Variants in SLC8A3 observed in about 807,000 individuals in gnomAD.
The protein encoded by SLC8A3 is sodium/calcium exchanger 3.
SLC8A3 carries 37 observed loss-of-function variants against 65.4 expected under a neutral mutation model. That is an observed-to-expected ratio of 0.57 (90% CI 0.44 to 0.74). The LOEUF is 0.74. SLC8A3 is among the 30% of genes least tolerant of loss of function. The pLI, the probability that SLC8A3 is intolerant of heterozygous loss-of-function variation, is 0.00. For synonymous variants in SLC8A3, 461 were observed against 444.5 expected, an observed-to-expected ratio of 1.04 and a Z score of -0.47; for missense variants, 1,112 against 1,172.1, an observed-to-expected ratio of 0.95 and a Z score of 0.75.
chr14:70,072,857 C>T (rs1450838713), intron 2 of SLC8A3, among the ~76,000 whole-genome samples: 1 of 152,040 alleles, frequency 6.6e-6, no homozygotes, highest in African/African-American at 2.4e-5. Context: ...CATGTTGGCC[C>T]GGCTAGTCTC....
At chr14:70,051,947 T>G in intron 4 of SLC8A3, 43 bp downstream of exon 4, 1 of 1,570,812 alleles carries the variant, frequency 6.4e-7, no homozygotes. Flanking sequence ...GCCTCCCACT[T>G]TAATTTATTT....
Position 70,046,558 on chromosome 14 carries a change from C to G in SLC8A3, c.2390-235G>C. On this transcript the variant is annotated intron_variant, in intron 6 of 6. Coordinates refer to ENST00000356921, the MANE Select transcript of SLC8A3 (RefSeq NM_182932.3). The surrounding 1 kb of genome is among the most constrained non-coding windows in gnomAD (Gnocchi z 4.2). ...CTCATCTGCAGTGATCTGAAAGATTCTGAAGGGCTTTCCAGTTCTGATATT... is the reference window on the plus strand; with the variant it reads ...CTCATCTGCAGTGATCTGAAAGATTGTGAAGGGCTTTCCAGTTCTGATATT... The G allele has an allele frequency of 2.1e-6, 1 of 476,098 alleles. No homozygotes were observed. 29.5% of individuals were successfully genotyped at this position (476,098 alleles called of 1,614,324 possible).
intron 2 of SLC8A3, among the ~76,000 whole-genome samples, chr14:70,099,829 T>C (rs1892446598): frequency 1.3e-5 from 2 of 152,168 alleles, no homozygotes; most frequent in South Asian, 4.1e-4. Context: ...CCACAAGTCG[T>C]TTAAAAAGCA....
At chr14:70,060,069 A>G (rs2139816275) in intron 3 of SLC8A3, 1 of 152,398 alleles carries the variant, frequency 6.6e-6, no homozygotes, top group East Asian at 1.9e-4. Flanking sequence ...AGATTGCATG[A>G]TTACCCCAGA....
intron 2 of SLC8A3, among the ~76,000 whole-genome samples, chr14:70,122,533 C>T (rs1193400415): frequency 6.6e-6 from 1 of 152,142 alleles, no homozygotes; most frequent in Non-Finnish European, 1.5e-5. Context: ...TCAGTTTCCT[C>T]CTCTGTACGA....
intron 2 of SLC8A3, among the ~76,000 whole-genome samples, chr14:70,066,839 A>T (rs1033899068): frequency 2.0e-5 from 3 of 152,080 alleles, no homozygotes; most frequent in Non-Finnish European, 4.4e-5. Flanking sequence ...CAACAACAAC[A>T]ACAAAACACC....
At chr14:70,078,314 C>A (rs1890724277) in intron 2 of SLC8A3, among the ~76,000 whole-genome samples, 1 of 152,220 alleles carries the variant, frequency 6.6e-6, no homozygotes, top group Non-Finnish European at 1.5e-5. Context: ...TTTACCACAT[C>A]CCTGGGAAAC....
Position 70,111,053 on chromosome 14 carries a change from G to A in SLC8A3, c.1785-50114C>T, listed in dbSNP as rs561482233. Among the ~76,000 whole-genome samples the A allele has an allele frequency of 2.7e-4, 41 of 152,212 alleles. 1 individual carries two copies. The South Asian group carries it at 7.3e-3, about 27-fold the overall frequency. On this transcript the variant is annotated intron_variant, in intron 2 of 6. Transcript: ENST00000356921. ...CAGCAGTGGGATTGGTGGATCACAC[G>A]GTAGCTCAATTTTTAGTTTTTTGAG...
chr14:70,109,592 C>T (rs1566785659), intron 2 of SLC8A3, among the ~76,000 whole-genome samples: 2 of 151,570 alleles, frequency 1.3e-5, no homozygotes, highest in Non-Finnish European at 2.9e-5. Flanking sequence ...GGAGCTGAGA[C>T]TACAGTGCAT....
intron 2 of SLC8A3, among the ~76,000 whole-genome samples, chr14:70,074,932 A>G (rs1890344549): frequency 6.6e-6 from 1 of 152,070 alleles, no homozygotes; most frequent in African/African-American, 2.4e-5. Context: ...TTGTGGTGTA[A>G]TAGAGAGAAT....
At chr14:70,102,053 G>T (rs141991536) in intron 2 of SLC8A3, among the ~76,000 whole-genome samples, 2 of 152,290 alleles carry the variant, frequency 1.3e-5, no homozygotes, top group East Asian at 3.9e-4. Context: ...TTGGCTGAAG[G>T]CTGAGCTGTC....
intron 1 of SLC8A3, among the ~76,000 whole-genome samples, chr14:70,172,663 C>T (rs191223536): frequency 9.4e-5 from 14 of 148,828 alleles, no homozygotes; most frequent in East Asian, 2.0e-4. Flanking sequence ...TGGTATTAGA[C>T]GCTGGTGGAT....
At chr14:70,062,418 T>C (rs1888911880) in intron 2 of SLC8A3, among the ~76,000 whole-genome samples, 2 of 152,234 alleles carry the variant, frequency 1.3e-5, no homozygotes, top group Admixed American at 6.5e-5. Flanking sequence ...ATATTTTTAC[T>C]GTGCCTTTTC....
intron 2 of SLC8A3, among the ~76,000 whole-genome samples, chr14:70,102,269 A>C (rs1325245028): frequency 6.6e-6 from 1 of 152,224 alleles, no homozygotes; most frequent in African/African-American, 2.4e-5. Flanking sequence ...CCTAGGACTA[A>C]CTTTAAAACT....
chr14:70,134,044 T>C (rs1004473236), intron 2 of SLC8A3, among the ~76,000 whole-genome samples: 1 of 152,204 alleles, frequency 6.6e-6, no homozygotes, highest in African/African-American at 2.4e-5. Flanking sequence ...GTCAATTTGC[T>C]TTTGGGCACT....
chr14:70,074,866 T>A (rs1199237704), intron 2 of SLC8A3, among the ~76,000 whole-genome samples: 1 of 152,214 alleles, frequency 6.6e-6, no homozygotes, highest in Non-Finnish European at 1.5e-5. Flanking sequence ...ACTCACTTCA[T>A]TTACCTTGCC....
intron 2 of SLC8A3, among the ~76,000 whole-genome samples, chr14:70,106,718 G>T (rs1374762340): frequency 1.3e-5 from 2 of 152,212 alleles, no homozygotes; most frequent in East Asian, 3.9e-4. Flanking sequence ...AATTTGATTT[G>T]ATTAAATTCT....
At chr14:70,096,472 T>A (rs760572692) in intron 2 of SLC8A3, among the ~76,000 whole-genome samples, 16 of 152,164 alleles carry the variant, frequency 1.1e-4, no homozygotes, top group Admixed American at 7.2e-4. Context: ...AGCTGATCTA[T>A]CTCAACATTT....
intron 3 of SLC8A3, among the ~76,000 whole-genome samples, chr14:70,057,478 T>A (rs1461938687): frequency 6.6e-6 from 1 of 152,156 alleles, no homozygotes; most frequent in Admixed American, 6.5e-5. Context: ...AGGTCCCTGA[T>A]GCCCTGGTTT....
Sources: allele counts gnomAD v4.1 joint callset (sites outside exome capture counted in the v4.1 genomes callset), GRCh38; gene constraint gnomAD v4.1.1; non-coding constraint Gnocchi (gnomAD v3.1); transcripts MANE v1.5; gene names NCBI Gene and HGNC (gene_info 2026-07-23, HGNC 2026-07-21).